Variants in KANSL2 observed in about 807,000 individuals in gnomAD.
KANSL2 encodes NSL complex protein NSL2.
A neutral mutation model predicts 55.6 loss-of-function variants in KANSL2; 34 were observed. That is an observed-to-expected ratio of 0.61 (90% CI 0.46 to 0.81). KANSL2 has a LOEUF of 0.81. Ranked by LOEUF, KANSL2 falls within the 40% of genes least tolerant of loss-of-function variation. The probability of loss-of-function intolerance (pLI) is 0.00; values close to 1 mark genes in which losing one functional copy is unlikely to be tolerated. For missense variants in KANSL2, 502 were observed against 609.9 expected, an observed-to-expected ratio of 0.82 and a Z score of 1.86; for synonymous variants, 209 against 214.3, an observed-to-expected ratio of 0.98 and a Z score of 0.22.
intron 8 of KANSL2, among the ~76,000 whole-genome samples, chr12:48,657,567 T>A (rs184799029): frequency 6.6e-6 from 1 of 152,158 alleles, no homozygotes; most frequent in African/African-American, 2.4e-5. Context: ...ATTAAGACTA[T>A]AAATCTGTTT....
In KANSL2 at chr12:48,671,850, C is replaced by T. The variant is rs1364966251; in HGVS notation, c.658G>A (p.Glu220Lys). 1 of 1,613,406 alleles carries T rather than the reference C, an allele frequency of 6.2e-7. No individual in the cohort carries two copies. The change falls in exon 5 of 10, where the codon GAG (glutamate) becomes AAG (lysine). Residue 220 changes from glutamate (E) to lysine (K), a missense_variant. Glu to Lys is a moderately conservative substitution (Grantham distance 56, BLOSUM62 1). Coordinates refer to ENST00000420613, the MANE Select transcript of KANSL2 (RefSeq NM_017822.4). ...TTATGTAAGTATCGGCGCTTCTTCT[C>T]CTTGAGCAGATGCTGAAGTCGTTTA... Reference protein sequence around the residue: ...QFKRLQHLLKEKKRRYLHNRK... With the variant: ...QFKRLQHLLKKKKRRYLHNRK...
intron 8 of KANSL2, among the ~76,000 whole-genome samples, chr12:48,657,226 A>G (rs887745281): frequency 3.3e-5 from 5 of 152,268 alleles, no homozygotes; most frequent in African/African-American, 1.2e-4. Flanking sequence ...ACAAAAAATT[A>G]CCAGCCTGGC....
rs1225906467 is a variant in KANSL2, at chr12:48,667,809, A to G, written c.877-20T>C. ...ATGGGCCTGAAATGGAAAAAGACAG[A>G]TAAAATAGACCCACAAAAGAACACA... On this transcript the variant is annotated intron_variant, in intron 6 of 9. Coordinates refer to ENST00000420613, the MANE Select transcript of KANSL2 (RefSeq NM_017822.4). 1 of 1,555,730 alleles carries G rather than the reference A, an allele frequency of 6.4e-7. No individual in the cohort carries two copies. Among genetic ancestry groups the G allele is most frequent in the Non-Finnish European group, 8.9e-7 (1 of 1,127,186 alleles).
In KANSL2 at chr12:48,657,028, A is replaced by G. The variant is rs750136923; in HGVS notation, c.1228-1968T>C. 2.6e-4 allele frequency among the ~76,000 whole-genome samples: 40 copies of G among 152,304 alleles called. No homozygotes were observed. In the Middle Eastern group the frequency reaches 0.01, roughly 39 times the overall value. On this transcript the variant is annotated intron_variant, in intron 8 of 9. Coordinates refer to ENST00000420613, the MANE Select transcript of KANSL2 (RefSeq NM_017822.4). ...TTTCCCATTTGTTGGTGTGCTAATC[A>G]CCAAAAATGAGAATCACAACATCTT...
At chr12:48,673,346 G>A (rs1199083406) in intron 4 of KANSL2, among the ~76,000 whole-genome samples, 1 of 151,926 alleles carries the variant, frequency 6.6e-6, no homozygotes, top group Non-Finnish European at 1.5e-5. Context: ...AATCACCTGA[G>A]GTCAGGTGTT....
At chr12:48,668,129 G>A (rs1383405988) in intron 6 of KANSL2, among the ~76,000 whole-genome samples, 1 of 152,144 alleles carries the variant, frequency 6.6e-6, no homozygotes, top group Admixed American at 6.6e-5. Flanking sequence ...GAGACCAAGG[G>A]TCTGAAAAAC....
chr12:48,677,030 AGTAATAT>A (rs2137202832), intron 4 of KANSL2, among the ~76,000 whole-genome samples: 1 of 152,332 alleles, frequency 6.6e-6, no homozygotes, highest in East Asian at 1.9e-4. Flanking sequence ...ATAAGAAGAT[AGTAATAT>A]GTAATCATAA....
At chr12:48,668,897 ATGG>A (rs1370165348) in intron 6 of KANSL2, among the ~76,000 whole-genome samples, 1 of 152,018 alleles carries the variant, frequency 6.6e-6, no homozygotes, top group African/African-American at 2.4e-5. Context: ...AGCTGGGCGC[ATGG>A]TGGTGGGCAC....
intron 6 of KANSL2, among the ~76,000 whole-genome samples, chr12:48,668,206 A>G (rs1939639038): frequency 6.6e-6 from 1 of 152,218 alleles, no homozygotes; most frequent in African/African-American, 2.4e-5. Context: ...AATTGCTCCT[A>G]TTCTACCTTC....
At chr12:48,657,199 G>A (rs1049152851) in intron 8 of KANSL2, among the ~76,000 whole-genome samples, 2 of 152,126 alleles carry the variant, frequency 1.3e-5, no homozygotes, top group South Asian at 4.1e-4. Context: ...TGGCTAACAT[G>A]GTGAAACCCA....
chr12:48,656,762 T>C (rs1003826999), intron 8 of KANSL2: 1 of 516,694 alleles, frequency 1.9e-6, no homozygotes, highest in African/African-American at 1.9e-5. Context: ...CAGCAAACCA[T>C]TGGTCTTGAT....
chr12:48,671,719 T>C, intron 5 of KANSL2, 80 bp downstream of exon 5: 1 of 1,355,782 alleles, frequency 7.4e-7, no homozygotes, highest in Admixed American at 2.2e-5. Context: ...TGTATCCCCA[T>C]CATTAAGTGA....
At chr12:48,665,936 G>T (rs1012023440) in intron 7 of KANSL2, among the ~76,000 whole-genome samples, 1 of 152,212 alleles carries the variant, frequency 6.6e-6, no homozygotes, top group African/African-American at 2.4e-5. Context: ...CAAGAGACTG[G>T]GCATGGTGGC....
chr12:48,674,573 A>AT (rs2137199547), intron 4 of KANSL2, among the ~76,000 whole-genome samples: 1 of 152,348 alleles, frequency 6.6e-6, no homozygotes, highest in South Asian at 2.1e-4. Context: ...ACAAAAGCCA[A>AT]TATTACCTGT....
chr12:48,678,446 T>C (rs1939864077), intron 4 of KANSL2, among the ~76,000 whole-genome samples: 1 of 152,138 alleles, frequency 6.6e-6, no homozygotes, highest in Non-Finnish European at 1.5e-5. Context: ...TACCTTTTTA[T>C]TCTTCTTTTT....
chr12:48,678,563 A>C (rs921504411), intron 4 of KANSL2, among the ~76,000 whole-genome samples: 2 of 152,204 alleles, frequency 1.3e-5, no homozygotes, highest in Non-Finnish European at 2.9e-5. Context: ...CAAACATCAC[A>C]CTGTACCCCA....
chr12:48,662,111 A>C (rs748730705), intron 7 of KANSL2, among the ~76,000 whole-genome samples: 10 of 152,206 alleles, frequency 6.6e-5, no homozygotes, highest in Middle Eastern at 3.2e-3. Flanking sequence ...TGTTTCAACC[A>C]GAAATTTTTT....
intron 8 of KANSL2, among the ~76,000 whole-genome samples, chr12:48,658,954 T>C (rs533373916): frequency 6.8e-4 from 103 of 152,320 alleles, no homozygotes; most frequent in South Asian, 1.2e-3. Flanking sequence ...CTCATATTAA[T>C]ATCTGATGCC....
At position 48,654,002 on chromosome 12, in the gene KANSL2, G is replaced by A. The variant is rs566454163; in HGVS notation, c.*42C>T. 88 of 1,531,266 alleles carry A rather than the reference G, an allele frequency of 5.7e-5. 1 individual carries two copies. In the Middle Eastern group the frequency reaches 2.0e-3, roughly 34 times the overall value. 94.9% of individuals were successfully genotyped at this position (1,531,266 alleles called of 1,614,324 possible). A position where few individuals can be genotyped will look rare whatever the true frequency, so the allele number is the denominator to read the frequency against. On this transcript the variant is annotated 3_prime_UTR_variant, in exon 10 of 10. Transcript: ENST00000420613. The stretch of plus-strand genomic sequence containing the variant: ...GATCAGAAATACTTCTTTGAAGAAC[G>A]AGAAATTTAAATCCACCAAAGTAAA...
Sources: allele counts gnomAD v4.1 joint callset (sites outside exome capture counted in the v4.1 genomes callset), GRCh38; gene constraint gnomAD v4.1.1; transcripts MANE v1.5; gene names NCBI Gene and HGNC (gene_info 2026-07-23, HGNC 2026-07-21).